Variants in DCUN1D4 observed in about 807,000 individuals in gnomAD.
DCUN1D4 encodes defective in cullin neddylation 1 domain containing 4.
DCUN1D4 carries 22 observed loss-of-function variants against 47.9 expected under a neutral mutation model. The observed-to-expected ratio is 0.46, with a 90% CI of 0.33 to 0.66. The LOEUF (loss-of-function observed/expected upper bound fraction) is 0.66. DCUN1D4 is among the 30% of genes least tolerant of loss of function. The pLI, the probability that DCUN1D4 is intolerant of heterozygous loss-of-function variation, is 0.02. For missense variants in DCUN1D4, 301 were observed against 340.8 expected (o/e 0.88, Z 0.92); for synonymous variants, 121 against 112.2 (o/e 1.08, Z -0.50).
At chr4:51,860,115 C>CT (rs796922268) in intron 1 of DCUN1D4, among the ~76,000 whole-genome samples, 1 of 151,758 alleles carries the variant, frequency 6.6e-6, no homozygotes, top group Non-Finnish European at 1.5e-5. Flanking sequence ...ACATTTTTGT[C>CT]TTTTTTTTCT....
At chr4:51,901,074 C>T (rs967787885) in intron 8 of DCUN1D4, among the ~76,000 whole-genome samples, 8 of 152,144 alleles carry the variant, frequency 5.3e-5, no homozygotes, top group African/African-American at 1.9e-4. Flanking sequence ...CAGCCCTCTT[C>T]TGGTAGCCTC....
chr4:51,891,409 G>A (rs139237009), intron 6 of DCUN1D4, among the ~76,000 whole-genome samples: 2 of 152,308 alleles, frequency 1.3e-5, no homozygotes, highest in East Asian at 1.9e-4. Flanking sequence ...CTTTGTGTCT[G>A]TTTACAGGTA....
the DCUN1D4 span, among the ~76,000 whole-genome samples, chr4:51,837,978 G>C: frequency 6.6e-6 from 1 of 152,076 alleles, no homozygotes; most frequent in Admixed American, 6.5e-5. Context: ...AGGAGTTAGA[G>C]ACCAGCCTGA....
intron 1 of DCUN1D4, among the ~76,000 whole-genome samples, chr4:51,854,724 A>G (rs1430322987): frequency 1.3e-5 from 2 of 152,186 alleles, no homozygotes; most frequent in South Asian, 2.1e-4. Context: ...CCATGTTGCT[A>G]AATTCAGTAA....
the DCUN1D4 span, among the ~76,000 whole-genome samples, chr4:51,834,770 A>AG: frequency 6.6e-6 from 1 of 152,122 alleles, no homozygotes; most frequent in Admixed American, 6.5e-5. Flanking sequence ...AGGGGAGCAG[A>AG]GGCTCCCAAA....
chr4:51,849,355 A>G (rs941813645), intron 1 of DCUN1D4, among the ~76,000 whole-genome samples: 1 of 152,060 alleles, frequency 6.6e-6, no homozygotes, highest in East Asian at 1.9e-4. Context: ...AGGCATTGTT[A>G]TGGCCAGGGG....
chr4:51,857,993 G>A (rs1724409898), intron 1 of DCUN1D4, among the ~76,000 whole-genome samples: 1 of 152,194 alleles, frequency 6.6e-6, no homozygotes, highest in Admixed American at 6.5e-5. Flanking sequence ...TAATGGGAGA[G>A]GATGATGACA....
intron 8 of DCUN1D4, among the ~76,000 whole-genome samples, chr4:51,909,175 G>A (rs903157759): frequency 6.6e-6 from 1 of 152,014 alleles, no homozygotes; most frequent in Non-Finnish European, 1.5e-5. Flanking sequence ...CCATTGTGAC[G>A]GGGACATAGG....
chr4:51,908,534 A>G (rs1733242387), intron 8 of DCUN1D4, among the ~76,000 whole-genome samples: 1 of 151,854 alleles, frequency 6.6e-6, no homozygotes, highest in African/African-American at 2.4e-5. Flanking sequence ...GACAGCGTAT[A>G]ATTTTAATTT....
rs201922365 is a variant in DCUN1D4 at position 51,891,762 on chromosome 4, A to C, written c.417A>C (p.Val139=). ...AATTGTGTATTTTTTTTTAACAGGT[A>C]GTTATGCTTGTCCTAGCTTGGAAAT... ...CEDIGVEPEN[V]VMLVLAWKLD... is the part of the protein sequence containing the mutation. The change falls in exon 7 of 11, where the codon GTA becomes GTC. Residue 139 remains valine (V), a splice_region_variant and synonymous_variant. Coordinates refer to ENST00000334635, the MANE Select transcript of DCUN1D4 (RefSeq NM_001040402.3). 323 of 1,608,362 alleles carry C rather than the reference A, an allele frequency of 2.0e-4. No individual in the cohort carries two copies. The highest frequency in any genetic ancestry group is 5.0e-4 in the Middle Eastern group (3 of 6,056).
chr4:51,870,699 T>G (rs1230774876), intron 3 of DCUN1D4, among the ~76,000 whole-genome samples: 1 of 152,232 alleles, frequency 6.6e-6, no homozygotes, highest in Non-Finnish European at 1.5e-5. Context: ...CCTTTGCACG[T>G]GCACTTGAGA....
intron 4 of DCUN1D4, chr4:51,875,223 T>C (rs1440072809): frequency 6.6e-6 from 1 of 152,200 alleles, no homozygotes; most frequent in African/African-American, 2.4e-5. Context: ...TAGAAAATAT[T>C]ATCTGAAAGA....
At chr4:51,835,703 G>A in the DCUN1D4 span, among the ~76,000 whole-genome samples, 1 of 152,052 alleles carries the variant, frequency 6.6e-6, no homozygotes, top group African/African-American at 2.4e-5. Flanking sequence ...TTGGGGCCTC[G>A]GGTTGAGGGT....
At chr4:51,858,996 C>G (rs923919296) in intron 1 of DCUN1D4, among the ~76,000 whole-genome samples, 4 of 152,180 alleles carry the variant, frequency 2.6e-5, no homozygotes, top group Non-Finnish European at 1.5e-5. Flanking sequence ...CATCCTCATT[C>G]TTTTTCAACA....
intron 1 of DCUN1D4, among the ~76,000 whole-genome samples, chr4:51,843,933 G>A (rs1486535191): frequency 6.8e-6 from 1 of 148,012 alleles, no homozygotes; most frequent in Admixed American, 6.7e-5. Flanking sequence ...GGGTGTAATG[G>A]TAGTTGGGGA....
intron 3 of DCUN1D4, among the ~76,000 whole-genome samples, chr4:51,864,469 G>T (rs1725585653): frequency 1.3e-5 from 2 of 152,190 alleles, no homozygotes. Flanking sequence ...ATTTGTCTTA[G>T]TCTGGGCTGC....
chr4:51,851,657 G>T (rs1577842420), intron 1 of DCUN1D4, among the ~76,000 whole-genome samples: 2 of 152,246 alleles, frequency 1.3e-5, no homozygotes, highest in African/African-American at 4.8e-5. Flanking sequence ...AGAAGTCCCA[G>T]GTGGGGCACA....
At chr4:51,875,377 T>G (rs1727512971) in intron 4 of DCUN1D4, 2 of 152,336 alleles carry the variant, frequency 1.3e-5, no homozygotes, top group African/African-American at 4.8e-5. Context: ...CACATAACAT[T>G]TTGTGACTTT....
chr4:51,853,300 T>G (rs1723641742), intron 1 of DCUN1D4, among the ~76,000 whole-genome samples: 1 of 152,274 alleles, frequency 6.6e-6, no homozygotes, highest in Non-Finnish European at 1.5e-5. Context: ...GCTGAGTCAC[T>G]TTGAATGACC....
Sources: gnomAD v4.1 joint callset for allele counts (sites outside exome capture counted in the v4.1 genomes callset) on GRCh38, gnomAD v4.1.1 for gene constraint, MANE v1.5 for transcripts, NCBI Gene and HGNC (gene_info 2026-07-23, HGNC 2026-07-21) for gene names.